Variants in TP53BP1 observed in about 807,000 individuals in gnomAD.
TP53BP1 encodes TP53-binding protein 1.
Under a neutral mutation model 200.8 loss-of-function variants are expected in TP53BP1, and 61 were observed. That is an observed-to-expected ratio of 0.30 (90% CI 0.25 to 0.38). TP53BP1 has a LOEUF of 0.38. Among genes scored for constraint, TP53BP1 ranks in the 10% least tolerant of loss-of-function variants. TP53BP1 has a pLI of 1.00. For synonymous variants in TP53BP1, 822 were observed against 844.3 expected (o/e 0.97, Z 0.46); for missense variants, 2,144 against 2,371.9 (o/e 0.90, Z 2.00).
intron 17 of TP53BP1, among the ~76,000 whole-genome samples, chr15:43,431,287 A>C (rs1380691533): frequency 6.6e-6 from 1 of 152,164 alleles, no homozygotes; most frequent in Non-Finnish European, 1.5e-5. Flanking sequence ...TGATAAGCAG[A>C]GACTACTGTT....
intron 18 of TP53BP1, among the ~76,000 whole-genome samples, chr15:43,424,884 T>C (rs554455933): frequency 2.1e-4 from 32 of 152,326 alleles, no homozygotes; most frequent in African/African-American, 4.6e-4. Context: ...TAAGAGGTGA[T>C]TGAGTCATAA....
At chr15:43,464,546 T>A (rs751325313) in intron 11 of TP53BP1, among the ~76,000 whole-genome samples, 22 of 152,066 alleles carry the variant, frequency 1.4e-4, no homozygotes, top group Non-Finnish European at 4.4e-5. Flanking sequence ...AACCCAAACG[T>A]CCATCAACTG....
chr15:43,477,894 T>A, intron 7 of TP53BP1, 135 bp from the exon 8 acceptor site: 1 of 635,680 alleles, frequency 1.6e-6, no homozygotes, highest in Non-Finnish European at 2.5e-6. Context: ...AATTATATAT[T>A]AAAAAGGAAA....
chr15:43,479,705 A>G (rs140391323), intron 6 of TP53BP1, among the ~76,000 whole-genome samples, 154 bp downstream of exon 6: 24 of 152,316 alleles, frequency 1.6e-4, no homozygotes, highest in African/African-American at 5.1e-4. Context: ...CAAACCAACA[A>G]TTGACAAGTA....
chr15:43,466,036 C>T (rs1268530062), intron 11 of TP53BP1, among the ~76,000 whole-genome samples: 1 of 152,160 alleles, frequency 6.6e-6, no homozygotes, highest in African/African-American at 2.4e-5. Context: ...AAAATTATTT[C>T]CAATCTAGAA....
At chr15:43,494,369 A>G (rs1045698544), upstream of TP53BP1, among the ~76,000 whole-genome samples, 1 of 152,220 alleles carries the variant, frequency 6.6e-6, no homozygotes, top group Non-Finnish European at 1.5e-5. Flanking sequence ...TATAAATTAC[A>G]GTGATCCTAT....
chr15:43,469,755 T>C, intron 11 of TP53BP1, 103 bp downstream of exon 11: 1 of 990,264 alleles, frequency 1.0e-6, no homozygotes, highest in Non-Finnish European at 1.5e-6. Context: ...ATCACAAAAT[T>C]ATACATTTAA....
chr15:43,463,168 T>C (rs2046481251), intron 11 of TP53BP1, among the ~76,000 whole-genome samples: 1 of 152,246 alleles, frequency 6.6e-6, no homozygotes, highest in Non-Finnish European at 1.5e-5. Flanking sequence ...GTCTAATTTG[T>C]CCTCACCAAA....
chr15:43,492,080 G>A lies in TP53BP1; in HGVS notation c.208C>T (p.Pro70Ser). The A allele has an allele frequency of 2.5e-6, 4 of 1,613,098 alleles. No individual in the cohort carries two copies. The highest frequency in any genetic ancestry group is 1.1e-5 in the South Asian group (1 of 91,052). ...ENPVLDVVSNPEQTAGEERGD... is the reference protein window; with the variant it reads ...ENPVLDVVSNSEQTAGEERGD... ...CGTTCTTCTCCAGCTGTTTGTTCAG[G>A]ATTGGACACAACATCCTAGAAAATA... The change falls in exon 3 of 28, where the codon CCT becomes TCT. Residue 70 changes from proline to serine, a missense_variant. By Grantham distance (74) the Pro-to-Ser change is moderately conservative. Transcript: ENST00000382044.
At chr15:43,417,349 AAC>A (rs529683933) in intron 21 of TP53BP1, 2 of 152,376 alleles carry the variant, frequency 1.3e-5, no homozygotes, top group East Asian at 3.9e-4. Flanking sequence ...CAAGGAAAAT[AAC>A]ACAGAGAAAG....
chr15:43,493,289 C>T (rs541613944), upstream of TP53BP1: 13 of 1,326,110 alleles, frequency 9.8e-6, no homozygotes, highest in Non-Finnish European at 1.2e-5. Flanking sequence ...AACACGGCGG[C>T]GCGTTTCCAT....
chr15:43,418,096 C>T (rs908277206), intron 21 of TP53BP1, among the ~76,000 whole-genome samples: 4 of 149,494 alleles, frequency 2.7e-5, no homozygotes, highest in Non-Finnish European at 4.4e-5. Flanking sequence ...AAGAGAATCA[C>T]TTGAACACCA....
At chr15:43,505,402 G>A (rs2079230961) in intron 1 of TP53BP1, among the ~76,000 whole-genome samples, 1 of 152,156 alleles carries the variant, frequency 6.6e-6, no homozygotes, top group South Asian at 2.1e-4. Flanking sequence ...CAGATTAAAA[G>A]AAAAGATGGT....
intron 11 of TP53BP1, among the ~76,000 whole-genome samples, chr15:43,458,223 G>T (rs2046346653): frequency 6.6e-6 from 1 of 150,858 alleles, no homozygotes; most frequent in Non-Finnish European, 1.5e-5. Context: ...CCTGACGTCA[G>T]AAGTTCGAGA....
At chr15:43,503,192 T>A (rs568000431) in intron 1 of TP53BP1, among the ~76,000 whole-genome samples, 1 of 152,260 alleles carries the variant, frequency 6.6e-6, no homozygotes, top group Non-Finnish European at 1.5e-5. Flanking sequence ...TAGCTATGAC[T>A]CCAATCAAAT....
intron 15 of TP53BP1, chr15:43,441,260 A>C: frequency 3.1e-6 from 1 of 325,136 alleles, no homozygotes; most frequent in Non-Finnish European, 5.6e-6. Flanking sequence ...TATCAGCAAC[A>C]GAAAAAAGGG....
At chr15:43,486,867 C>A (rs1156589778) in intron 4 of TP53BP1, among the ~76,000 whole-genome samples, 1 of 152,152 alleles carries the variant, frequency 6.6e-6, no homozygotes, top group African/African-American at 2.4e-5. Flanking sequence ...CTCAAGTGAT[C>A]CACCCGCCTT....
chr15:43,482,540 A>G (rs1016861275), intron 4 of TP53BP1, among the ~76,000 whole-genome samples: 1 of 152,104 alleles, frequency 6.6e-6, no homozygotes, highest in Non-Finnish European at 1.5e-5. Flanking sequence ...AGGCCGAAAC[A>G]GGCGGATCAC....
At chr15:43,449,080 T>C (rs2143006334) in intron 12 of TP53BP1, among the ~76,000 whole-genome samples, 1 of 152,202 alleles carries the variant, frequency 6.6e-6, no homozygotes, top group Admixed American at 6.5e-5. Context: ...TAAGCCAAGA[T>C]GGTGCCACCG....
Sources: allele counts gnomAD v4.1 joint callset (sites outside exome capture counted in the v4.1 genomes callset), GRCh38; gene constraint gnomAD v4.1.1; transcripts MANE v1.5; gene names NCBI Gene and HGNC (gene_info 2026-07-23, HGNC 2026-07-21).